The following AKAP12 variants were observed in gnomAD, a reference collection of about 807,000 sequenced individuals.
The protein encoded by AKAP12 is A-kinase anchor protein 12.
Under a neutral mutation model 79.9 loss-of-function variants are expected in AKAP12, and 32 were observed. That is an observed-to-expected ratio of 0.40 (90% CI 0.30 to 0.54). AKAP12 has a LOEUF of 0.54. Ranked by LOEUF, AKAP12 falls within the 20% of genes least tolerant of loss-of-function variation. The pLI, the probability that AKAP12 is intolerant of heterozygous loss-of-function variation, is 0.48. For missense variants in AKAP12, 2,074 were observed against 2,177.0 expected, an observed-to-expected ratio of 0.95 and a Z score of 0.94; for synonymous variants, 808 against 857.0, an observed-to-expected ratio of 0.94 and a Z score of 1.00.
chr6:151,242,900 G>A (rs1043938900), intron 2 of AKAP12, among the ~76,000 whole-genome samples: 2 of 152,168 alleles, frequency 1.3e-5, no homozygotes, highest in Non-Finnish European at 2.9e-5. Context: ...TGGCTCCTTG[G>A]TTTTGATTGG....
Position 151,304,488 on chromosome 6 carries a change from CAAAAAAAAAAAAAAAAA to C in AKAP12, c.163-1244_163-1228del, listed in dbSNP as rs1157088954. Among the ~76,000 whole-genome samples, 8 of 45,958 alleles carry C rather than the reference CAAAAAAAAAAAAAAAAA, an allele frequency of 1.7e-4. 1 individual carries two copies. Among genetic ancestry groups the C allele is most frequent in the East Asian group, 9.3e-4 (1 of 1,072 alleles). The allele number at this position is 45,958 out of a possible 152,430, so 30.2% of individuals were successfully genotyped here. A position where few individuals can be genotyped will look rare whatever the true frequency, so the allele number is the denominator to read the frequency against. The stretch of plus-strand genomic sequence containing the variant: ...TGGGTGAAACAGTGACACTCCATCT[CAAAAAAAAAAAAAAAAA>C]AAAAAAAAAAAAAAGGATTATATGA... On this transcript the variant is annotated intron_variant, in intron 2 of 4. Transcript: ENST00000402676.
At chr6:151,324,803 C>T (rs763566740) in intron 3 of AKAP12, 169 of 985,278 alleles carry the variant, frequency 1.7e-4, no homozygotes, top group Non-Finnish European at 2.0e-4. Flanking sequence ...CCAACTCATT[C>T]GTCACTCGTG....
At chr6:151,300,278 C>T (rs1048750464) in intron 2 of AKAP12, among the ~76,000 whole-genome samples, 2 of 152,098 alleles carry the variant, frequency 1.3e-5, no homozygotes, top group African/African-American at 4.8e-5. Flanking sequence ...GGTTCCTTCC[C>T]ACGAAGGCCA....
intron 3 of AKAP12, chr6:151,325,759 C>A: frequency 6.3e-7 from 1 of 1,597,916 alleles, no homozygotes; most frequent in Non-Finnish European, 8.5e-7. Context: ...CGCTCTGATC[C>A]CGCCGAAACC....
chr6:151,285,384 C>CTGTGTGTGTGTG (rs10680283), intron 2 of AKAP12, among the ~76,000 whole-genome samples: 12,457 of 136,244 alleles, frequency 0.091, 583 homozygotes, highest in Non-Finnish European at 0.1. Context: ...CTGCATTTCA[C>CTGTGTGTGTGTG]TGTGTGTGTG....
chr6:151,347,007 CTCTT>C (rs145324225), intron 3 of AKAP12, among the ~76,000 whole-genome samples: 4,477 of 152,206 alleles, frequency 0.029, 188 homozygotes, highest in African/African-American at 0.1. Flanking sequence ...TGTCATCATT[CTCTT>C]TCTTTTTCTT....
At chr6:151,354,428 C>T (rs1718937283) in intron 4 of AKAP12, among the ~76,000 whole-genome samples, 1 of 151,988 alleles carries the variant, frequency 6.6e-6, no homozygotes, top group Non-Finnish European at 1.5e-5. Flanking sequence ...GGCTGGAATG[C>T]AGTGGCGCGA....
rs574204537 is a variant in AKAP12, at chr6:151,348,685, A to AC, written c.320-19dup. 1.9e-3 allele frequency: 315 copies of AC among 168,008 alleles called. 6 individuals carry two copies. The highest frequency in any genetic ancestry group is 9.3e-3 in the South Asian group (227 of 24,328). 10.4% of individuals were successfully genotyped at this position (168,008 alleles called of 1,614,324 possible). On this transcript the variant is annotated intron_variant, in intron 3 of 4. Transcript: ENST00000402676. ...TGTAATCACCTTTTCTCTTCTCCCC[A>AC]CCCCCCCGCCCCTTTTTGTTAATAG...
chr6:151,333,815 CTT>C (rs1562744234), intron 3 of AKAP12, among the ~76,000 whole-genome samples: 1 of 151,638 alleles, frequency 6.6e-6, no homozygotes, highest in South Asian at 2.1e-4. Context: ...GTTTGGGACT[CTT>C]TACCTGCAGC....
chr6:151,252,538 G>A (rs1213030810), intron 2 of AKAP12, among the ~76,000 whole-genome samples: 1 of 151,844 alleles, frequency 6.6e-6, no homozygotes, highest in Non-Finnish European at 1.5e-5. Context: ...CAACACTGAA[G>A]GCCCCGATAG....
intron 3 of AKAP12, among the ~76,000 whole-genome samples, chr6:151,341,471 C>T (rs1473371924): frequency 6.6e-6 from 1 of 152,176 alleles, no homozygotes; most frequent in Admixed American, 6.5e-5. Flanking sequence ...CCCACTGGGG[C>T]GGTCCGCAGG....
chr6:151,314,498 C>G (rs1225561765), intron 3 of AKAP12, among the ~76,000 whole-genome samples: 4 of 152,134 alleles, frequency 2.6e-5, no homozygotes, highest in Non-Finnish European at 1.5e-5. Context: ...CCTCTCATCC[C>G]CCCATATGTG....
intron 3 of AKAP12, chr6:151,348,273 C>G: frequency 2.3e-6 from 1 of 429,820 alleles, no homozygotes; most frequent in Non-Finnish European, 4.6e-6. Context: ...TGCAGTGAAC[C>G]GAGATCGTGC....
chr6:151,344,549 T>G (rs937380262), intron 3 of AKAP12, among the ~76,000 whole-genome samples: 12 of 152,188 alleles, frequency 7.9e-5, no homozygotes, highest in Admixed American at 6.5e-4. Flanking sequence ...GTTCATTTGT[T>G]TTTTGAGTCA....
intron 4 of AKAP12, 74 bp downstream of exon 4, chr6:151,353,826 C>A: frequency 3.8e-6 from 4 of 1,040,638 alleles, no homozygotes; most frequent in Non-Finnish European, 4.1e-6. Context: ...CATAAGGAAT[C>A]GGGAGCAAAT....
At chr6:151,258,816 C>T (rs1241386503) in intron 2 of AKAP12, among the ~76,000 whole-genome samples, 1 of 151,480 alleles carries the variant, frequency 6.6e-6, no homozygotes, top group Non-Finnish European at 1.5e-5. Context: ...TTAGTAGAGA[C>T]AGGGTTTCAC....
At chr6:151,286,365 C>T (rs2499895) in intron 2 of AKAP12, among the ~76,000 whole-genome samples, 144,892 of 152,280 alleles carry the variant, frequency 0.95, 68,947 homozygotes, top group East Asian at 1. Context: ...GCTGTTACTA[C>T]ACACATACGT....
At chr6:151,312,336 G>A (rs558412256) in intron 3 of AKAP12, among the ~76,000 whole-genome samples, 6 of 151,994 alleles carry the variant, frequency 3.9e-5, no homozygotes, top group African/African-American at 1.4e-4. Context: ...AGCTGGACGT[G>A]GTGGTGCACG....
chr6:151,249,558 AAAAGTT>A (rs1460084798), intron 2 of AKAP12, among the ~76,000 whole-genome samples: 2 of 152,218 alleles, frequency 1.3e-5, no homozygotes, highest in African/African-American at 2.4e-5. Flanking sequence ...TCAGTTCTAA[AAAAGTT>A]AAAGTTCTCT....
Sources: gnomAD v4.1 joint callset for allele counts (sites outside exome capture counted in the v4.1 genomes callset) on GRCh38, gnomAD v4.1.1 for gene constraint, MANE v1.5 for transcripts, NCBI Gene and HGNC (gene_info 2026-07-23, HGNC 2026-07-21) for gene names.